The following GALNT13 variants were observed in gnomAD, a reference collection of about 807,000 sequenced individuals.
The protein encoded by GALNT13 is UDP-GalNAc:polypeptide N-acetylgalactosaminyltransferase 13.
GALNT13 carries 28 observed loss-of-function variants against 64.2 expected under a neutral mutation model. The ratio of observed to expected loss-of-function variants is 0.44; its 90% CI spans 0.32 to 0.60. The LOEUF (loss-of-function observed/expected upper bound fraction) is 0.60, where lower values mean the gene tolerates loss of function less well. Among genes scored for constraint, GALNT13 ranks in the 20% least tolerant of loss-of-function variants. The pLI is 0.05. For synonymous variants in GALNT13, 214 were observed against 224.6 expected, an observed-to-expected ratio of 0.95 and a Z score of 0.42; for missense variants, 577 against 669.8, an observed-to-expected ratio of 0.86 and a Z score of 1.53.
chr2:153,421,628 TGA>T, the GALNT13 span: 9 of 254,868 alleles, frequency 3.5e-5, no homozygotes, highest in East Asian at 9.1e-4. Context: ...CAAAGGCCAA[TGA>T]TCTTGCCAAT....
the GALNT13 span, among the ~76,000 whole-genome samples, chr2:153,853,502 T>C: frequency 4.8e-3 from 729 of 152,088 alleles, 1 homozygote; most frequent in Admixed American, 8.6e-3. Context: ...GCTGAATGTA[T>C]GGATTAGATA....
chr2:154,242,208 TTTTTTG>T lies in GALNT13; in HGVS notation c.478+30_478+35del, dbSNP rs749063228. ...TGCCAGTGAAAGAGGTACAAACTGG[TTTTTTG>T]TTTTTGTTTTTGTTTTTTTGTTTTG... On this transcript the variant is annotated intron_variant, in intron 5 of 12. Transcript: ENST00000392825. 2.4e-5 allele frequency: 38 copies of T among 1,602,922 alleles called. No homozygotes were observed. In the Admixed American group the frequency reaches 5.0e-4, roughly 21 times the overall value.
At chr2:153,292,911 G>A in the GALNT13 span, among the ~76,000 whole-genome samples, 3 of 151,974 alleles carry the variant, frequency 2.0e-5, no homozygotes, top group African/African-American at 7.3e-5. Context: ...GCACATTTAT[G>A]CTTACCACCT....
At chr2:153,068,873 C>T in the GALNT13 span, among the ~76,000 whole-genome samples, 2 of 152,144 alleles carry the variant, frequency 1.3e-5, no homozygotes, top group African/African-American at 4.8e-5. Context: ...CTTCTCCTCC[C>T]CAATTGAATA....
At chr2:154,402,102 AT>A in intron 10 of GALNT13, among the ~76,000 whole-genome samples, 1 of 152,222 alleles carries the variant, frequency 6.6e-6, no homozygotes, top group Non-Finnish European at 1.5e-5. Context: ...CATTTGTAAA[AT>A]AATGATAAAA....
At chr2:154,148,816 T>C (rs1431027838) in intron 4 of GALNT13, among the ~76,000 whole-genome samples, 1 of 152,190 alleles carries the variant, frequency 6.6e-6, no homozygotes, top group Admixed American at 6.5e-5. Context: ...CATTGTAGAT[T>C]GTGGATATTA....
the GALNT13 span, among the ~76,000 whole-genome samples, chr2:153,416,783 C>T: frequency 2.0e-5 from 3 of 152,060 alleles, no homozygotes; most frequent in Admixed American, 6.6e-5. Context: ...TCCAAAACAC[C>T]GAATACTCTT....
the GALNT13 span, among the ~76,000 whole-genome samples, chr2:153,078,248 C>G: frequency 6.7e-6 from 1 of 149,934 alleles, no homozygotes; most frequent in African/African-American, 2.4e-5. Context: ...TTTCTATCAA[C>G]TTTGGGATTT....
At chr2:153,270,118 T>C in the GALNT13 span, among the ~76,000 whole-genome samples, 1 of 152,232 alleles carries the variant, frequency 6.6e-6, no homozygotes, top group Non-Finnish European at 1.5e-5. Context: ...TTCTAAGATA[T>C]AGAATTTAGT....
intron 9 of GALNT13, among the ~76,000 whole-genome samples, chr2:154,353,050 G>A (rs879419881): frequency 1.3e-5 from 2 of 152,122 alleles, no homozygotes; most frequent in Non-Finnish European, 2.9e-5. Context: ...GGAAGAATAT[G>A]AGCTTTACAC....
At chr2:153,397,198 G>A in the GALNT13 span, among the ~76,000 whole-genome samples, 1 of 152,122 alleles carries the variant, frequency 6.6e-6, no homozygotes. Context: ...GTTAGTATCA[G>A]AAAGTAAAAG....
At chr2:153,509,352 C>T in the GALNT13 span, among the ~76,000 whole-genome samples, 3 of 152,210 alleles carry the variant, frequency 2.0e-5, no homozygotes, top group African/African-American at 7.2e-5. Context: ...CCCACCAGTT[C>T]CACGGAGTGC....
At chr2:153,381,764 G>T in the GALNT13 span, among the ~76,000 whole-genome samples, 1 of 152,076 alleles carries the variant, frequency 6.6e-6, no homozygotes, top group Non-Finnish European at 1.5e-5. Flanking sequence ...CTGAATTTTA[G>T]AAATTGACAT....
At chr2:153,440,849 C>T in the GALNT13 span, among the ~76,000 whole-genome samples, 1 of 151,772 alleles carries the variant, frequency 6.6e-6, no homozygotes, top group African/African-American at 2.4e-5. Flanking sequence ...TGGATACTAG[C>T]CCTTTGTCAG....
At chr2:154,149,573 T>G (rs1171696101) in intron 4 of GALNT13, among the ~76,000 whole-genome samples, 2 of 152,200 alleles carry the variant, frequency 1.3e-5, no homozygotes, top group Admixed American at 1.3e-4. Flanking sequence ...GGAATGTTCT[T>G]CCATTTCTTT....
chr2:153,576,455 G>T, the GALNT13 span, among the ~76,000 whole-genome samples: 1 of 152,150 alleles, frequency 6.6e-6, no homozygotes, highest in Non-Finnish European at 1.5e-5. Context: ...ATTTCCCTCT[G>T]GCTAGGACTG....
the GALNT13 span, among the ~76,000 whole-genome samples, chr2:153,627,783 G>A: frequency 1.4e-4 from 22 of 152,082 alleles, no homozygotes; most frequent in Non-Finnish European, 1.9e-4. Flanking sequence ...GTCAGGTAGC[G>A]TGATGCCTCC....
chr2:154,273,585 G>C (rs1008839756), intron 8 of GALNT13, among the ~76,000 whole-genome samples: 2 of 152,112 alleles, frequency 1.3e-5, no homozygotes, highest in African/African-American at 4.8e-5. Flanking sequence ...GGTCCCATAG[G>C]ATACTACTGT....
the GALNT13 span, among the ~76,000 whole-genome samples, chr2:153,591,518 G>A: frequency 1.2e-4 from 19 of 152,028 alleles, no homozygotes; most frequent in Non-Finnish European, 2.5e-4. Context: ...GAAAAAGTTG[G>A]AGGCATTGCA....
Sources: gnomAD v4.1 joint callset for allele counts (sites outside exome capture counted in the v4.1 genomes callset) on GRCh38, gnomAD v4.1.1 for gene constraint, MANE v1.5 for transcripts, NCBI Gene and HGNC (gene_info 2026-07-23, HGNC 2026-07-21) for gene names.